WDHD1: variants seen among roughly 807,000 people sequenced by gnomAD.
WDHD1 encodes the protein WD repeat and HMG-box DNA binding protein 1.
WDHD1 carries 111 observed loss-of-function variants against 135.4 expected under a neutral mutation model. That is an observed-to-expected ratio of 0.82 (90% confidence interval 0.70 to 0.96). The LOEUF (loss-of-function observed/expected upper bound fraction) is 0.96, where lower values mean the gene tolerates loss of function less well. Among genes scored for constraint, WDHD1 ranks in the 40% least tolerant of loss-of-function variants. WDHD1 has a pLI of 0.00. For missense variants in WDHD1, 1,351 were observed against 1,336.3 expected, an observed-to-expected ratio of 1.01 and a Z score of -0.17; for synonymous variants, 434 against 439.0, an observed-to-expected ratio of 0.99 and a Z score of 0.14.
intron 16 of WDHD1, among the ~76,000 whole-genome samples, chr14:54,970,621 CAAA>C (rs202021020): frequency 2.3e-4 from 30 of 130,638 alleles, no homozygotes; most frequent in Non-Finnish European, 3.1e-4. Context: ...GTCACAGCAC[CAAA>C]AAAAAAAAAA....
Position 54,999,204 on chromosome 14 carries a change from T to C in WDHD1, c.942+1299A>G, listed in dbSNP as rs972960232. Among the ~76,000 whole-genome samples, 11 of 152,210 alleles carry C rather than the reference T, an allele frequency of 7.2e-5. No individual in the cohort carries two copies. The East Asian group carries it at 2.1e-3, about 29-fold the overall frequency. On this transcript the variant is annotated intron_variant, in intron 10 of 25. Coordinates refer to ENST00000360586, the MANE Select transcript of WDHD1 (RefSeq NM_007086.4). ...TTTCAACATTCAAGTATCTAATCTT[T>C]CATTTAATCCTCTGTTTTCAGTACA...
chr14:55,011,723 AT>A (rs958272448), intron 3 of WDHD1, among the ~76,000 whole-genome samples: 2 of 151,054 alleles, frequency 1.3e-5, no homozygotes, highest in African/African-American at 2.4e-5. Flanking sequence ...TCTGAATCTC[AT>A]TTTTTTTACT....
rs532663756 is a variant in WDHD1, at chr14:55,007,942, A to C, written c.504+374T>G. Among the ~76,000 whole-genome samples the C allele has an allele frequency of 1.1e-3, 165 of 152,308 alleles. 2 individuals carry two copies. The highest frequency in any genetic ancestry group is 3.9e-3 in the African/African-American group (161 of 41,564). ...AACCTTTATTAGGCTGCATTTGAAT[A>C]AACTGTATATGTGACTCTCCAAATC... is the stretch of plus-strand genomic sequence containing the variant. On this transcript the variant is annotated intron_variant, in intron 6 of 25. Transcript: ENST00000360586.
At chr14:55,001,538 C>G (rs2041980693) in intron 8 of WDHD1, among the ~76,000 whole-genome samples, 1 of 152,196 alleles carries the variant, frequency 6.6e-6, no homozygotes, top group African/African-American at 2.4e-5. Flanking sequence ...GCTGGGATTA[C>G]AGGCATGAGC....
chr14:54,955,503 G>T, intron 24 of WDHD1, 58 bp downstream of exon 24: 1 of 1,400,040 alleles, frequency 7.1e-7, no homozygotes, highest in South Asian at 1.9e-5. Flanking sequence ...ATTTTGTATT[G>T]CTGCTACTGT....
intron 21 of WDHD1, among the ~76,000 whole-genome samples, chr14:54,961,366 T>C (rs1483310407): frequency 1.3e-5 from 2 of 152,120 alleles, no homozygotes; most frequent in African/African-American, 2.4e-5. Context: ...ATCCTTAATA[T>C]GGCCTACACA....
At chr14:54,988,465 T>C (rs1363127565) in intron 13 of WDHD1, among the ~76,000 whole-genome samples, 2 of 151,884 alleles carry the variant, frequency 1.3e-5, no homozygotes, top group African/African-American at 4.9e-5. Flanking sequence ...GAACATTCTG[T>C]ATTTTGATTG....
chr14:54,981,720 T>C (rs771330961), intron 15 of WDHD1, 24 bp from the exon 16 acceptor site: 10 of 1,536,974 alleles, frequency 6.5e-6, no homozygotes, highest in Non-Finnish European at 8.1e-6. Context: ...GAAAAATCAC[T>C]TGGAGACATA....
chr14:54,972,227 A>C (rs2041446777), intron 16 of WDHD1, among the ~76,000 whole-genome samples: 1 of 148,224 alleles, frequency 6.7e-6, no homozygotes, highest in African/African-American at 2.5e-5. Context: ...GTGAGCCGAG[A>C]TCACACCACT....
At position 54,966,574 on chromosome 14, in the gene WDHD1, G is replaced by T. The variant is rs1340771285; in HGVS notation, c.2211C>A (p.Asn737Lys). The T allele has an allele frequency of 3.7e-6, 6 of 1,607,730 alleles. No homozygotes were observed. The highest frequency in any genetic ancestry group is 1.7e-5 in the Admixed American group (1 of 57,842). The change falls in exon 18 of 26, where the codon AAC becomes AAA. Residue 737 changes from asparagine (N) to lysine (K), a missense_variant. Asn to Lys is a moderately conservative substitution (Grantham distance 94, BLOSUM62 0). Around this residue, in one of 2 missense-constraint regions of WDHD1, gnomAD observed 1,330 missense variants for 1,296.1 expected, o/e 1.03. Coordinates refer to ENST00000360586, the MANE Select transcript of WDHD1 (RefSeq NM_007086.4). ...EQFWRSVIFHNHLDYLAKNGY... is the reference protein window; with the variant it reads ...EQFWRSVIFHKHLDYLAKNGY... ...CATTTTTAGCTAAATAATCAAGGTGGTTGTGAAATATAACTGAACGCCAAA... is the reference window on the plus strand; with the variant it reads ...CATTTTTAGCTAAATAATCAAGGTGTTTGTGAAATATAACTGAACGCCAAA...
At chr14:55,013,942 T>C (rs2042218525) in intron 2 of WDHD1, among the ~76,000 whole-genome samples, 1 of 152,134 alleles carries the variant, frequency 6.6e-6, no homozygotes, top group African/African-American at 2.4e-5. Context: ...TCATATACAT[T>C]AGTTTTTTGG....
rs534540071 is a variant in WDHD1 at position 54,976,761 on chromosome 14, A to G, written c.2063+4779T>C. On this transcript the variant is annotated intron_variant, in intron 16 of 25. Transcript: ENST00000360586. ...AAAATAAATAATAAATAATAAATAA[A>G]TAAATGTTCTACAAGGGTGTACCAA... is the stretch of plus-strand genomic sequence containing the variant. 2.0e-5 allele frequency among the ~76,000 whole-genome samples: 3 copies of G among 152,178 alleles called. No homozygotes were observed. In the South Asian group the frequency reaches 6.2e-4, roughly 32 times the overall value.
intron 16 of WDHD1, among the ~76,000 whole-genome samples, chr14:54,970,374 G>A (rs1348572389): frequency 6.6e-6 from 1 of 151,946 alleles, no homozygotes; most frequent in Non-Finnish European, 1.5e-5. Context: ...TAATGTTCGA[G>A]CTGAGAGTCA....
intron 2 of WDHD1, among the ~76,000 whole-genome samples, chr14:55,015,754 A>G (rs992187022): frequency 1.3e-5 from 2 of 150,194 alleles, no homozygotes; most frequent in African/African-American, 4.9e-5. Flanking sequence ...GCTGAAGTGC[A>G]GTGGTGCTAT....
chr14:55,005,205 G>T (rs765589405), intron 7 of WDHD1: 2 of 540,078 alleles, frequency 3.7e-6, no homozygotes, highest in Non-Finnish European at 7.3e-6. Context: ...CTGTTGCATG[G>T]GATGGTAGTG....
intron 22 of WDHD1, among the ~76,000 whole-genome samples, 166 bp downstream of exon 22, chr14:54,957,426 G>GT (rs1263211180): frequency 6.6e-6 from 1 of 152,170 alleles, no homozygotes; most frequent in African/African-American, 2.4e-5. Flanking sequence ...TACTTAGAAG[G>GT]TAAGTAGAAA....
At chr14:54,976,379 G>A (rs2041524501) in intron 16 of WDHD1, among the ~76,000 whole-genome samples, 1 of 152,004 alleles carries the variant, frequency 6.6e-6, no homozygotes, top group Admixed American at 6.6e-5. Context: ...GTACCACCAT[G>A]CCTGGCAGGG....
chr14:54,957,107 G>A lies in WDHD1; in HGVS notation c.2843C>T (p.Ala948Val). The A allele has an allele frequency of 6.2e-7, 1 of 1,614,182 alleles. No homozygotes were observed. Among genetic ancestry groups the A allele is most frequent in the Non-Finnish European group, 8.5e-7 (1 of 1,180,028 alleles). ...NMGKSSKKST[A>V]LSRTTNNEKS... ...TTCATTATTTGTAGTTCGACTAAGTGCAGTGGATTTCTTGGATGATTTGCC... is the reference window on the plus strand; with the variant it reads ...TTCATTATTTGTAGTTCGACTAAGTACAGTGGATTTCTTGGATGATTTGCC... The change falls in exon 23 of 26, where the codon GCA (alanine) becomes GTA (valine). Residue 948 changes from alanine (A) to valine (V), a missense_variant. Around this residue, in one of 2 missense-constraint regions of WDHD1, gnomAD observed 1,330 missense variants for 1,296.1 expected, o/e 1.03. Coordinates refer to ENST00000360586, the MANE Select transcript of WDHD1 (RefSeq NM_007086.4).
At chr14:54,953,766 T>C (rs2041103156) in intron 24 of WDHD1, among the ~76,000 whole-genome samples, 1 of 152,158 alleles carries the variant, frequency 6.6e-6, no homozygotes. Context: ...ATGTGGCACA[T>C]ATACACCATG....
Sources: gnomAD v4.1 joint callset for allele counts (sites outside exome capture counted in the v4.1 genomes callset) on GRCh38, gnomAD v4.1.1 for gene constraint, gnomAD v4.1.1 regional missense constraint, MANE v1.5 for transcripts, NCBI Gene and HGNC (gene_info 2026-07-23, HGNC 2026-07-21) for gene names.